Variants in FILIP1 observed in about 807,000 individuals in gnomAD.
FILIP1 encodes filamin A interacting protein 1.
Under a neutral mutation model 102.1 loss-of-function variants are expected in FILIP1, and 61 were observed. The ratio of observed to expected loss-of-function variants is 0.60; its 90% CI spans 0.49 to 0.74. FILIP1 has a LOEUF of 0.74. Among genes scored for constraint, FILIP1 ranks in the 30% least tolerant of loss-of-function variants. The pLI, the probability that FILIP1 is intolerant of heterozygous loss-of-function variation, is 0.00. For synonymous variants in FILIP1, 491 were observed against 526.9 expected, an observed-to-expected ratio of 0.93 and a Z score of 0.93; for missense variants, 1,314 against 1,441.2, an observed-to-expected ratio of 0.91 and a Z score of 1.43.
chr6:75,331,258 T>C (rs1393227918), intron 4 of FILIP1, among the ~76,000 whole-genome samples: 1 of 152,194 alleles, frequency 6.6e-6, no homozygotes, highest in Non-Finnish European at 1.5e-5. Flanking sequence ...AATTGTTAGT[T>C]GTTTGCTCAT....
At chr6:75,391,690 A>G (rs1473260306) in intron 2 of FILIP1, among the ~76,000 whole-genome samples, 2 of 152,074 alleles carry the variant, frequency 1.3e-5, no homozygotes, top group African/African-American at 4.8e-5. Flanking sequence ...CCTGTTGTTA[A>G]TGTTTCCCTC....
intron 2 of FILIP1, among the ~76,000 whole-genome samples, chr6:75,366,295 G>T (rs1775331031): frequency 6.6e-6 from 1 of 152,172 alleles, no homozygotes; most frequent in South Asian, 2.1e-4. Flanking sequence ...AATGTAAACT[G>T]TATCAAGTAA....
chr6:75,447,360 G>A (rs1299613666), intron 1 of FILIP1, among the ~76,000 whole-genome samples: 2 of 152,044 alleles, frequency 1.3e-5, no homozygotes, highest in African/African-American at 4.8e-5. Context: ...GAAATCGCTA[G>A]TTTACCATAC....
intron 1 of FILIP1, among the ~76,000 whole-genome samples, chr6:75,433,957 A>G (rs1582499193): frequency 6.6e-6 from 1 of 152,164 alleles, no homozygotes; most frequent in Non-Finnish European, 1.5e-5. Flanking sequence ...TCCTTTCCCC[A>G]TTTCTTGTTT....
At chr6:75,344,552 G>T (rs911363333) in intron 4 of FILIP1, among the ~76,000 whole-genome samples, 1 of 152,198 alleles carries the variant, frequency 6.6e-6, no homozygotes, top group Non-Finnish European at 1.5e-5. Context: ...TCAGAGAATG[G>T]CCTCTTCAGT....
At chr6:75,329,542 G>A (rs773264719) in intron 4 of FILIP1, among the ~76,000 whole-genome samples, 32 of 152,172 alleles carry the variant, frequency 2.1e-4, no homozygotes, top group Middle Eastern at 3.4e-3. Context: ...CCTTGGGTAC[G>A]CCTCTCTGTC....
Position 75,362,671 on chromosome 6 carries a change from AT to A in FILIP1, c.450+72del, listed in dbSNP as rs1775205828. The A allele has an allele frequency of 3.4e-6, 5 of 1,467,708 alleles. No individual in the cohort carries two copies. In the East Asian group the frequency reaches 1.1e-4, roughly 33 times the overall value. The allele number at this position is 1,467,708 out of a possible 1,614,324, so 90.9% of individuals were successfully genotyped here. ...TGCCTTTGAAAGAAAATGTTAAAGC[AT>A]GTAAATGGAAGAATGTGAAGATATC... On this transcript the variant is annotated intron_variant, in intron 3 of 5. Coordinates refer to ENST00000237172, the MANE Select transcript of FILIP1 (RefSeq NM_015687.5).
Position 75,400,395 on chromosome 6 carries a change from T to C in FILIP1, c.276+14302A>G, listed in dbSNP as rs7741068. 7.2e-3 allele frequency among the ~76,000 whole-genome samples: 1,095 copies of C among 152,284 alleles called. 10 individuals are homozygous for C. Among genetic ancestry groups the C allele is most frequent in the African/African-American group, 0.025 (1,055 of 41,560 alleles). On this transcript the variant is annotated intron_variant, in intron 2 of 5. Coordinates refer to ENST00000237172, the MANE Select transcript of FILIP1 (RefSeq NM_015687.5). Reference sequence around the variant, plus strand: ...TTCTCAAGAAGTTGTTAACTTAAAATAGTTCCTTAAAAGACAAACATGGAC... The same window carrying C: ...TTCTCAAGAAGTTGTTAACTTAAAACAGTTCCTTAAAAGACAAACATGGAC...
chr6:75,407,249 G>A (rs560040533), intron 2 of FILIP1, among the ~76,000 whole-genome samples: 20 of 151,022 alleles, frequency 1.3e-4, no homozygotes, highest in South Asian at 2.1e-4. Context: ...TTTTTGAGAC[G>A]GAGTCTCACT....
rs118127221 is a variant in FILIP1, at chr6:75,308,094, A to G, written c.*597T>C. Reference sequence around the variant, plus strand: ...AGTAAAACTCTGTTCTTAGGATTCCATATTTCATTTCCATTTTATTACATG... The same window carrying G: ...AGTAAAACTCTGTTCTTAGGATTCCGTATTTCATTTCCATTTTATTACATG... On this transcript the variant is annotated 3_prime_UTR_variant, in exon 6 of 6. Coordinates refer to ENST00000237172, the MANE Select transcript of FILIP1 (RefSeq NM_015687.5). 5.4e-3 allele frequency: 5,365 copies of G among 986,070 alleles called. 23 individuals are homozygous for G. The highest frequency in any genetic ancestry group is 6.1e-3 in the Non-Finnish European group (5,102 of 830,072). 61.1% of individuals were successfully genotyped at this position (986,070 alleles called of 1,614,324 possible).
intron 4 of FILIP1, among the ~76,000 whole-genome samples, chr6:75,347,157 C>T (rs367615067): frequency 6.6e-6 from 1 of 152,066 alleles, no homozygotes; most frequent in African/African-American, 2.4e-5. Context: ...GTTAGGAGTG[C>T]GAAAAGTTAT....
At chr6:75,366,020 G>C (rs1277844711) in intron 2 of FILIP1, 1 of 152,110 alleles carries the variant, frequency 6.6e-6, no homozygotes, top group Non-Finnish European at 1.5e-5. Context: ...TTTTGGCATT[G>C]TCCTGATTTC....
intron 1 of FILIP1, among the ~76,000 whole-genome samples, chr6:75,432,601 A>G (rs1167102985): frequency 6.6e-6 from 1 of 152,238 alleles, no homozygotes; most frequent in Non-Finnish European, 1.5e-5. Context: ...AAATGTTACT[A>G]TGCAAGGCCA....
rs148651673 is a variant in FILIP1, at chr6:75,481,961, T to C, written c.-7+11453A>G. The stretch of plus-strand genomic sequence containing the variant: ...GATGATTTTAATCTTTCACTAATAC[T>C]ATGTAGAAAAACAAGACCTCTGTTT... On this transcript the variant is annotated intron_variant, in intron 1 of 5. Transcript: ENST00000237172. 1.3e-3 allele frequency among the ~76,000 whole-genome samples: 195 copies of C among 152,340 alleles called. 1 individual carries two copies. The highest frequency in any genetic ancestry group is 4.4e-3 in the African/African-American group (182 of 41,588).
intron 1 of FILIP1, among the ~76,000 whole-genome samples, chr6:75,472,984 A>C (rs894184642): frequency 6.6e-6 from 1 of 152,140 alleles, no homozygotes; most frequent in Admixed American, 6.6e-5. Context: ...TTCTCTTCTC[A>C]TCACCTATTT....
intron 2 of FILIP1, among the ~76,000 whole-genome samples, chr6:75,390,609 AC>A (rs1195659491): frequency 6.6e-6 from 1 of 152,130 alleles, no homozygotes; most frequent in African/African-American, 2.4e-5. Context: ...ACAAGAACTC[AC>A]TATCACGAGG....
At chr6:75,352,849 A>G (rs1227876674) in intron 4 of FILIP1, among the ~76,000 whole-genome samples, 1 of 151,532 alleles carries the variant, frequency 6.6e-6, no homozygotes, top group Non-Finnish European at 1.5e-5. Context: ...GATCAAGTTT[A>G]TATTTAAATG....
At chr6:75,373,355 G>T (rs1323207151) in intron 2 of FILIP1, among the ~76,000 whole-genome samples, 5 of 152,182 alleles carry the variant, frequency 3.3e-5, no homozygotes, top group African/African-American at 1.2e-4. Context: ...GAGATGGATG[G>T]TGGTGATAAT....
At chr6:75,389,788 GTCTA>G (rs1402028894) in intron 2 of FILIP1, among the ~76,000 whole-genome samples, 1 of 151,908 alleles carries the variant, frequency 6.6e-6, no homozygotes, top group Non-Finnish European at 1.5e-5. Flanking sequence ...CTGGCTAGCG[GTCTA>G]TCTATTTTGC....
Sources: gnomAD v4.1 joint callset for allele counts (sites outside exome capture counted in the v4.1 genomes callset) on GRCh38, gnomAD v4.1.1 for gene constraint, MANE v1.5 for transcripts, NCBI Gene and HGNC (gene_info 2026-07-23, HGNC 2026-07-21) for gene names.